The following ENOSF1 variants were observed in gnomAD, a reference collection of about 807,000 sequenced individuals.
ENOSF1 encodes the protein enolase superfamily member 1.
A neutral mutation model predicts 68.2 loss-of-function variants in ENOSF1; 73 were observed. The observed-to-expected ratio is 1.07, with a 90% CI of 0.89 to 1.30. ENOSF1 has a LOEUF of 1.30. Among genes scored for constraint, ENOSF1 ranks in the 50% most tolerant of loss-of-function variants. ENOSF1 has a pLI of 0.00. For synonymous variants in ENOSF1, 223 were observed against 210.4 expected, an observed-to-expected ratio of 1.06 and a Z score of -0.52; for missense variants, 589 against 554.5, an observed-to-expected ratio of 1.06 and a Z score of -0.62.
Position 688,671 on chromosome 18 carries a change from G to C in ENOSF1, c.619-63C>G. 8 of 1,421,198 alleles carry C rather than the reference G, an allele frequency of 5.6e-6. 1 individual carries two copies. The South Asian group carries it at 9.2e-5, about 16-fold the overall frequency. 88.0% of individuals were successfully genotyped at this position (1,421,198 alleles called of 1,614,324 possible). A position where few individuals can be genotyped will look rare whatever the true frequency, so the allele number is the denominator to read the frequency against. ...GCCCCTTGGTCTGACCAGGAAGTCA[G>C]TCATTGCTGATCTGTTTCACAAGCA... is the stretch of plus-strand genomic sequence containing the variant. On this transcript the variant is annotated intron_variant, in intron 8 of 15. Coordinates refer to ENST00000647584, the MANE Select transcript of ENOSF1 (RefSeq NM_017512.7).
In ENOSF1 at chr18:689,969, T is replaced by C. The variant is rs1349853575; in HGVS notation, c.618+580A>G. On this transcript the variant is annotated intron_variant, in intron 8 of 15. Transcript: ENST00000647584. ...TCACATCTAAATACTGAAGCCTCCA[T>C]AAAACCCCCAAGGAACAGGGTTCAG... Among the ~76,000 whole-genome samples the C allele has an allele frequency of 1.3e-5, 2 of 152,040 alleles. 1 individual carries two copies. Among genetic ancestry groups the C allele is most frequent in the African/African-American group, 4.8e-5 (2 of 41,324 alleles).
Position 675,214 on chromosome 18 carries a change from C to G in ENOSF1, c.1230+107G>C, listed in dbSNP as rs2075358415. ...AAGAACCGTTTGTTAGTGGATATTG[C>G]AAACAAACAGGAGTCAAAGCTTGGT... On this transcript the variant is annotated intron_variant, in intron 15 of 15. Transcript: ENST00000647584. 8.2e-6 allele frequency: 7 copies of G among 855,162 alleles called. No homozygotes were observed. In the East Asian group the frequency reaches 1.9e-4, roughly 23 times the overall value. 53.0% of individuals were successfully genotyped at this position (855,162 alleles called of 1,614,324 possible).
intron 14 of ENOSF1, 96 bp from the exon 15 acceptor site, chr18:675,498 G>A (rs1196489071): frequency 5.7e-6 from 6 of 1,060,522 alleles, no homozygotes; most frequent in African/African-American, 3.1e-5. Context: ...CCACTCAATT[G>A]ACAGTGTTGG....
At position 677,786 on chromosome 18, in the gene ENOSF1, G is replaced by A; in HGVS notation, c.1005C>T (p.Val335=). The stretch of plus-strand genomic sequence containing the variant: ...TCAGCAATACTGAGAGGTTCTCATT[G>A]ACACTGCCCAGTCTGCAACTGTCAA... ...LQIDSCRLGS[V]NENLSVLLMA... Residue 335 remains valine (V), a synonymous_variant, in exon 13 of 16, where the codon GTC becomes GTT. Coordinates refer to ENST00000647584, the MANE Select transcript of ENOSF1 (RefSeq NM_017512.7). 1 of 1,614,086 alleles carries A rather than the reference G, an allele frequency of 6.2e-7. No homozygotes were observed. Among genetic ancestry groups the A allele is most frequent in the Non-Finnish European group, 8.5e-7 (1 of 1,180,026 alleles).
At chr18:692,774 A>T (rs1020579107) in intron 5 of ENOSF1, 5 of 999,980 alleles carry the variant, frequency 5.0e-6, no homozygotes, top group Non-Finnish European at 6.0e-6. Flanking sequence ...GCCAACCTTG[A>T]ATCTAGAAGG....
At chr18:711,146 G>A (rs1027673133) in intron 1 of ENOSF1, among the ~76,000 whole-genome samples, 4 of 150,916 alleles carry the variant, frequency 2.7e-5, no homozygotes, top group Non-Finnish European at 5.9e-5. Flanking sequence ...CTCCAGCTTG[G>A]GCAACAGATA....
At position 673,641 on chromosome 18, in the gene ENOSF1, A is replaced by G. The variant is rs2075182701; in HGVS notation, c.*664T>C. 5.8e-6 allele frequency: 1 copy of G among 171,758 alleles called. No individual in the cohort carries two copies. Among genetic ancestry groups the G allele is most frequent in the Non-Finnish European group, 1.2e-5 (1 of 80,262 alleles). 10.6% of individuals were successfully genotyped at this position (171,758 alleles called of 1,614,324 possible). A position where few individuals can be genotyped will look rare whatever the true frequency, so the allele number is the denominator to read the frequency against. On this transcript the variant is annotated 3_prime_UTR_variant, in exon 16 of 16. Coordinates refer to ENST00000647584, the MANE Select transcript of ENOSF1 (RefSeq NM_017512.7). ...GTATATTTTAGAAATAATAGTGAAT[A>G]TATTTTGCCCTATTTTTCTCATTTT... is the stretch of plus-strand genomic sequence containing the variant.
chr18:706,855 G>A (rs2079003167), intron 1 of ENOSF1: 1 of 142,414 alleles, frequency 7.0e-6, no homozygotes, highest in Admixed American at 7.3e-5. Context: ...GTCTTGCTCT[G>A]TCACCTAGGC....
chr18:710,281 G>T (rs1372163013), intron 1 of ENOSF1, among the ~76,000 whole-genome samples: 1 of 152,108 alleles, frequency 6.6e-6, no homozygotes, highest in Non-Finnish European at 1.5e-5. Context: ...GCTAATTTTT[G>T]TATTTTTTTG....
At chr18:669,097 A>C, downstream of ENOSF1, 1 of 1,614,204 alleles carries the variant, frequency 6.2e-7, no homozygotes, top group East Asian at 2.2e-5. Flanking sequence ...GAGTTGACCA[A>C]CTGCAAAGAG....
intron 2 of ENOSF1, among the ~76,000 whole-genome samples, chr18:699,188 C>T (rs975951865): frequency 6.6e-6 from 1 of 152,082 alleles, no homozygotes; most frequent in African/African-American, 2.4e-5. Flanking sequence ...ATTTCTTGGA[C>T]CTGGCGCTCA....
intron 12 of ENOSF1, 143 bp downstream of exon 12, chr18:678,553 G>T: frequency 2.5e-6 from 2 of 789,558 alleles, no homozygotes; most frequent in South Asian, 1.7e-5. Context: ...CTGATAAAAT[G>T]ACCCAGTTTC....
intron 11 of ENOSF1, among the ~76,000 whole-genome samples, chr18:679,244 C>T (rs1342838282): frequency 1.4e-5 from 2 of 141,440 alleles, no homozygotes; most frequent in Non-Finnish European, 3.0e-5. Context: ...GAGTCTTGCT[C>T]TGTCACCCAA....
At chr18:687,755 T>C (rs2144892080) in intron 9 of ENOSF1, 1 of 152,400 alleles carries the variant, frequency 6.6e-6, no homozygotes, top group Middle Eastern at 3.3e-3. Flanking sequence ...ATGAGCAGTG[T>C]GGAAAGGAGG....
At chr18:666,951 T>A (rs80163547), downstream of ENOSF1, among the ~76,000 whole-genome samples, 855 of 21,200 alleles carry the variant, frequency 0.04, 96 homozygotes, top group East Asian at 0.092. Context: ...ATGGTGATGG[T>A]GATGGAGATG....
At position 670,913 on chromosome 18, in the gene ENOSF1, C is replaced by T; in HGVS notation, c.*3392G>A. 1 of 1,586,746 alleles carries T rather than the reference C, an allele frequency of 6.3e-7. No individual in the cohort carries two copies. The highest frequency in any genetic ancestry group is 2.2e-5 in the East Asian group (1 of 44,628). On this transcript the variant is annotated 3_prime_UTR_variant, in exon 16 of 16. Transcript: ENST00000647584. ...TGACTTGCCAGCCTACCACACTGAGCTCTTCAGTTCTTTAATATGGGAAAA... is the reference window on the plus strand; with the variant it reads ...TGACTTGCCAGCCTACCACACTGAGTTCTTCAGTTCTTTAATATGGGAAAA...
rs558622563 is a variant in ENOSF1 at position 711,868 on chromosome 18, C to T, written c.84+636G>A. 4.6e-5 allele frequency among the ~76,000 whole-genome samples: 7 copies of T among 152,260 alleles called. No homozygotes were observed. The East Asian group carries it at 1.4e-3, about 29-fold the overall frequency. On this transcript the variant is annotated intron_variant, in intron 1 of 15. Transcript: ENST00000647584. The stretch of plus-strand genomic sequence containing the variant: ...TTGGTTTCTCAACCCGACTGTGACA[C>T]CTTCATTACACAGACGGGTCCAAGA...
intron 8 of ENOSF1, among the ~76,000 whole-genome samples, chr18:690,206 C>T (rs539502672): frequency 1.5e-4 from 23 of 152,228 alleles, no homozygotes; most frequent in Non-Finnish European, 2.4e-4. Context: ...CAACTCAAAG[C>T]GGGGTTTGTG....
Position 691,073 on chromosome 18 carries a change from T to C in ENOSF1, c.530A>G (p.Glu177Gly). ...ILQKGQIGKK[E>G]REKQMLAQGY... ...AAAATTTTCTTACAACCCACCTCTT[T>C]CTTTTTTACCAATTTGACCTTTCTG... is the stretch of plus-strand genomic sequence containing the variant. Residue 177 changes from glutamate to glycine, a missense_variant, in exon 7 of 16, where the codon GAA becomes GGA. Transcript: ENST00000647584. The C allele has an allele frequency of 1.9e-6, 3 of 1,614,106 alleles. No individual in the cohort carries two copies. Among genetic ancestry groups the C allele is most frequent in the Non-Finnish European group, 2.5e-6 (3 of 1,180,008 alleles).
Sources: allele counts gnomAD v4.1 joint callset (sites outside exome capture counted in the v4.1 genomes callset), GRCh38; gene constraint gnomAD v4.1.1; transcripts MANE v1.5; gene names NCBI Gene and HGNC (gene_info 2026-07-23, HGNC 2026-07-21).